Variants in COL28A1 observed in about 807,000 individuals in gnomAD.
COL28A1 encodes collagen alpha-1(XXVIII) chain.
A neutral mutation model predicts 150.2 loss-of-function variants in COL28A1; 161 were observed. The ratio of observed to expected loss-of-function variants is 1.07; its 90% CI spans 0.94 to 1.22. The LOEUF (loss-of-function observed/expected upper bound fraction) is 1.22, where lower values mean the gene tolerates loss of function less well. Among genes scored for constraint, COL28A1 ranks in the 50% most tolerant of loss-of-function variants. The pLI, the probability that COL28A1 is intolerant of heterozygous loss-of-function variation, is 0.00. For synonymous variants in COL28A1, 552 were observed against 469.7 expected (o/e 1.18, Z -2.26); for missense variants, 1,617 against 1,388.3 (o/e 1.16, Z -2.62).
At chr7:7,533,107 T>G (rs1437202138) in intron 1 of COL28A1, among the ~76,000 whole-genome samples, 195 bp from the exon 2 acceptor site, 1 of 152,166 alleles carries the variant, frequency 6.6e-6, no homozygotes. Flanking sequence ...GACCAAACAT[T>G]TATTAGTGAA....
intron 25 of COL28A1, among the ~76,000 whole-genome samples, chr7:7,426,698 T>G (rs1359444494): frequency 2.6e-5 from 4 of 152,216 alleles, no homozygotes; most frequent in Non-Finnish European, 5.9e-5. Flanking sequence ...CTCCTAAAAC[T>G]TTAATATTCA....
rs780913758 is a variant in COL28A1 at position 7,380,812 on chromosome 7, T to C, written c.2256A>G (p.Glu752=). ...TTCCTGGAGATCCAGGCTCTCCAAT[T>C]TCTCCTTTATCACCTTTCTTTCCCA... ...GDVGKKGDKG[E]IGEPGSPGKQ... Residue 752 remains glutamate, a synonymous_variant, in exon 29 of 35, where the codon GAA becomes GAG. Transcript: ENST00000399429. 1.9e-6 allele frequency: 3 copies of C among 1,613,898 alleles called. No homozygotes were observed. The highest frequency in any genetic ancestry group is 2.5e-6 in the Non-Finnish European group (3 of 1,179,954).
intron 11 of COL28A1, among the ~76,000 whole-genome samples, chr7:7,492,401 C>A (rs1179047261): frequency 6.7e-6 from 1 of 149,196 alleles, no homozygotes; most frequent in Non-Finnish European, 1.5e-5. Flanking sequence ...TGGTGAAACA[C>A]TGTCTACTAA....
At chr7:7,500,403 G>C (rs1388236817) in intron 11 of COL28A1, among the ~76,000 whole-genome samples, 1 of 152,202 alleles carries the variant, frequency 6.6e-6, no homozygotes. Flanking sequence ...CCAGATAGTG[G>C]TGTTCCTGAC....
chr7:7,479,173 C>A (rs755659780), intron 13 of COL28A1, among the ~76,000 whole-genome samples: 2 of 152,224 alleles, frequency 1.3e-5, no homozygotes, highest in African/African-American at 4.8e-5. Flanking sequence ...ACCAATCCCC[C>A]ATGAATACCA....
Position 7,380,980 on chromosome 7 carries a change from T to A in COL28A1, c.2206-118A>T, listed in dbSNP as rs1781840737. Reference sequence around the variant, plus strand: ...CTCTTGAAGACCTTCAGTTCTTGTTTATACAAATGCAGTATTTGAAAAAAA... The same window carrying A: ...CTCTTGAAGACCTTCAGTTCTTGTTAATACAAATGCAGTATTTGAAAAAAA... On this transcript the variant is annotated intron_variant, in intron 28 of 34. Transcript: ENST00000399429. 11 of 860,174 alleles carry A rather than the reference T, an allele frequency of 1.3e-5. No homozygotes were observed. The Middle Eastern group carries it at 7.0e-4, about 55-fold the overall frequency. 53.3% of individuals were successfully genotyped at this position (860,174 alleles called of 1,614,324 possible). A position where few individuals can be genotyped will look rare whatever the true frequency, so the allele number is the denominator to read the frequency against.
Position 7,358,779 on chromosome 7 carries a change from G to T in COL28A1, c.3232C>A (p.Pro1078Thr). Residue 1078 changes from proline (P) to threonine (T), a missense_variant, in exon 35 of 35, where the codon CCT (proline) becomes ACT (threonine). Physicochemically the swap from Pro to Thr is conservative, Grantham distance 38 (BLOSUM62 -1). Coordinates refer to ENST00000399429, the MANE Select transcript of COL28A1 (RefSeq NM_001037763.3). The stretch of plus-strand genomic sequence containing the variant: ...ACCACATATTCACCACAGTTTCCAG[G>T]CTTCAAGGCTTCCAAACATCTAGGA... ...EDPRCLEALK[P>T]GNCGEYVVRW... The T allele has an allele frequency of 6.2e-7, 1 of 1,613,748 alleles. No homozygotes were observed.
At chr7:7,462,310 G>A (rs575178073) in intron 15 of COL28A1, among the ~76,000 whole-genome samples, 6 of 152,212 alleles carry the variant, frequency 3.9e-5, no homozygotes, top group African/African-American at 4.8e-5. Flanking sequence ...GTAATATGAC[G>A]AAACAAGGTT....
intron 27 of COL28A1, among the ~76,000 whole-genome samples, chr7:7,414,329 C>A (rs1783948630): frequency 6.6e-6 from 1 of 152,202 alleles, no homozygotes; most frequent in African/African-American, 2.4e-5. Context: ...TGGCCTGTGA[C>A]ATGAACCTGA....
At position 7,358,602 on chromosome 7, in the gene COL28A1, G is replaced by C. The variant is rs1780456129; in HGVS notation, c.*31C>G. ...ATATGTGGAAATTAGGGAGTTCTAT[G>C]CTTTTGATAGAGACAGGCCAATTTA... is the stretch of plus-strand genomic sequence containing the variant. On this transcript the variant is annotated 3_prime_UTR_variant, in exon 35 of 35. Coordinates refer to ENST00000399429, the MANE Select transcript of COL28A1 (RefSeq NM_001037763.3). 1 of 1,604,912 alleles carries C rather than the reference G, an allele frequency of 6.2e-7. No individual in the cohort carries two copies. The highest frequency in any genetic ancestry group is 1.1e-5 in the South Asian group (1 of 90,440).
chr7:7,432,252 G>C (rs774649275), intron 25 of COL28A1, among the ~76,000 whole-genome samples: 5 of 152,156 alleles, frequency 3.3e-5, no homozygotes, highest in African/African-American at 1.2e-4. Flanking sequence ...AAGCAGCAAA[G>C]GAATGCGAGT....
At chr7:7,449,448 C>G (rs1414966088) in intron 18 of COL28A1, among the ~76,000 whole-genome samples, 1 of 151,774 alleles carries the variant, frequency 6.6e-6, no homozygotes, top group Non-Finnish European at 1.5e-5. Flanking sequence ...CAGCAAACAT[C>G]ACACTTAAGA....
Position 7,451,410 on chromosome 7 carries a change from G to C in COL28A1, c.1509+909C>G, listed in dbSNP as rs147477392. 1.5e-3 allele frequency among the ~76,000 whole-genome samples: 228 copies of C among 152,128 alleles called. 2 individuals are homozygous for C. Among genetic ancestry groups the C allele is most frequent in the African/African-American group, 5.1e-3 (210 of 41,528 alleles). Reference sequence around the variant, plus strand: ...CCAGCTAATTTTTGTATTTTTAGTAGAGACGGGGTTTCACCATGTTGGCCA... The same window carrying C: ...CCAGCTAATTTTTGTATTTTTAGTACAGACGGGGTTTCACCATGTTGGCCA... On this transcript the variant is annotated intron_variant, in intron 18 of 34. Coordinates refer to ENST00000399429, the MANE Select transcript of COL28A1 (RefSeq NM_001037763.3).
At position 7,531,916 on chromosome 7, in the gene COL28A1, T is replaced by C. The variant is rs760979376; in HGVS notation, c.125-12A>G. 3 of 1,543,206 alleles carry C rather than the reference T, an allele frequency of 1.9e-6. No homozygotes were observed. The highest frequency in any genetic ancestry group is 3.5e-5 in the Admixed American group (2 of 57,488). ...GAAACAAATGGAGCCTGAAACAGAA[T>C]AAACAGGTTAGGCAAAATAATTATT... On this transcript the variant is annotated splice_polypyrimidine_tract_variant and intron_variant, in intron 2 of 34. Transcript: ENST00000399429.
At chr7:7,509,802 T>C (rs1781024388) in intron 9 of COL28A1, among the ~76,000 whole-genome samples, 1 of 152,236 alleles carries the variant, frequency 6.6e-6, no homozygotes, top group Non-Finnish European at 1.5e-5. Context: ...TCTATGTGTG[T>C]CCCTTTTTCT....
downstream of COL28A1, among the ~76,000 whole-genome samples, chr7:7,353,183 C>G (rs906163700): frequency 6.6e-6 from 1 of 152,164 alleles, no homozygotes; most frequent in African/African-American, 2.4e-5. Context: ...GTCTACAATC[C>G]AAGTCTAGTT....
At chr7:7,525,640 G>A (rs1015851049) in intron 3 of COL28A1, among the ~76,000 whole-genome samples, 1 of 152,162 alleles carries the variant, frequency 6.6e-6, no homozygotes, top group African/African-American at 2.4e-5. Context: ...GTAGCTTTAT[G>A]AAGGATGCTG....
At position 7,373,086 on chromosome 7, in the gene COL28A1, G is replaced by A. The variant is rs992812402; in HGVS notation, c.2820C>T (p.Pro940=). The change falls in exon 32 of 35, where the codon CCC becomes CCT. Residue 940 remains proline (P), a synonymous_variant. Transcript: ENST00000399429. This position sits in a 1 kb window ranked among gnomAD's most constrained non-coding sequence, Gnocchi z 4.1. ...TTTCTTTGTGGAATATTTCAAAGTT[G>A]GGATCATTTTTCTTCACCACCCCTA... ...FVIGVVKKND[P]NFEIFHKEMN... 9 of 1,614,010 alleles carry A rather than the reference G, an allele frequency of 5.6e-6. No individual in the cohort carries two copies. In the African/African-American group the frequency reaches 8.0e-5, roughly 14 times the overall value.
chr7:7,510,474 G>A (rs1253318851), intron 9 of COL28A1, among the ~76,000 whole-genome samples: 1 of 152,088 alleles, frequency 6.6e-6, no homozygotes, highest in Non-Finnish European at 1.5e-5. Context: ...TAGTAGAGAT[G>A]GTGTTTCACC....
Sources: gnomAD v4.1 joint callset for allele counts (sites outside exome capture counted in the v4.1 genomes callset) on GRCh38, gnomAD v4.1.1 for gene constraint, Gnocchi (gnomAD v3.1) non-coding constraint, MANE v1.5 for transcripts, NCBI Gene and HGNC (gene_info 2026-07-23, HGNC 2026-07-21) for gene names.